Variants in CROCC observed in about 807,000 individuals in gnomAD.
CROCC encodes ciliary rootlet coiled-coil, rootletin.
In CROCC, 180 loss-of-function variants were observed where a neutral mutation model predicts 245.2. The observed-to-expected ratio is 0.73, with a 90% CI of 0.65 to 0.83. The LOEUF (loss-of-function observed/expected upper bound fraction) is 0.83. Ranked by LOEUF, CROCC falls within the 40% of genes least tolerant of loss-of-function variation. The pLI, the probability that CROCC is intolerant of heterozygous loss-of-function variation, is 0.00. For synonymous variants in CROCC, 1,205 were observed against 1,241.6 expected (o/e 0.97, Z 0.62); for missense variants, 2,688 against 2,779.4 (o/e 0.97, Z 0.74).
chr1:16,944,178 G>T lies in CROCC; in HGVS notation c.1887G>T (p.Leu629=), dbSNP rs774077507. The T allele has an allele frequency of 2.6e-6, 4 of 1,555,654 alleles. No individual in the cohort carries two copies. Among genetic ancestry groups the T allele is most frequent in the Non-Finnish European group, 3.5e-6 (4 of 1,149,510 alleles). Reference sequence around the variant, plus strand: ...AGCTGCGGCAGGAGCGGGAGAAGCTGCAGGCTGCCCAGGAGGAGCTGCGGC... The same window carrying T: ...AGCTGCGGCAGGAGCGGGAGAAGCTTCAGGCTGCCCAGGAGGAGCTGCGGC... ...AEELRQEREK[L]QAAQEELRRQ... Residue 629 remains leucine (L), a synonymous_variant, in exon 14 of 37, where the codon CTG becomes CTT. Coordinates refer to ENST00000375541, the MANE Select transcript of CROCC (RefSeq NM_014675.5).
intron 21 of CROCC, 156 bp downstream of exon 21, chr1:16,953,637 G>T: frequency 1.5e-6 from 1 of 669,386 alleles, no homozygotes; most frequent in Non-Finnish European, 2.5e-6. Flanking sequence ...AGGATTAGAA[G>T]GGGGTTCGTG....
chr1:16,927,809 G>A (rs776989255), intron 3 of CROCC, among the ~76,000 whole-genome samples: 6 of 152,284 alleles, frequency 3.9e-5, no homozygotes, highest in African/African-American at 7.2e-5. Context: ...GCCTGCAGCC[G>A]CCATCCAGGC....
rs180844689 is a variant in CROCC at position 16,941,007 on chromosome 1, T to C, written c.1808+914T>C. ...GCAACTCTGATCTCAGCCTCGAGGATAGTAGACAAGCCGCCAACATTTCTA... is the reference window on the plus strand; with the variant it reads ...GCAACTCTGATCTCAGCCTCGAGGACAGTAGACAAGCCGCCAACATTTCTA... On this transcript the variant is annotated intron_variant, in intron 13 of 36. Transcript: ENST00000375541. 37 of 295,690 alleles carry C rather than the reference T, an allele frequency of 1.3e-4. No homozygotes were observed. In the East Asian group the frequency reaches 3.6e-3, roughly 29 times the overall value. 18.3% of individuals were successfully genotyped at this position (295,690 alleles called of 1,614,324 possible). A position where few individuals can be genotyped will look rare whatever the true frequency, so the allele number is the denominator to read the frequency against.
At chr1:16,949,252 TTAGTC>T (rs2100478643) in intron 19 of CROCC, among the ~76,000 whole-genome samples, 1 of 152,374 alleles carries the variant, frequency 6.6e-6, no homozygotes, top group East Asian at 1.9e-4. Flanking sequence ...ATCAGGCCTG[TTAGTC>T]TGAGTTCTCT....
chr1:16,963,397 G>T (rs542239667), intron 27 of CROCC, among the ~76,000 whole-genome samples: 1 of 151,900 alleles, frequency 6.6e-6, no homozygotes, highest in Non-Finnish European at 1.5e-5. Flanking sequence ...GCATCAAGCA[G>T]GGGGGTGAGA....
intron 26 of CROCC, 30 bp from the exon 27 acceptor site, chr1:16,960,728 G>A: frequency 6.8e-7 from 1 of 1,475,396 alleles, no homozygotes; most frequent in Non-Finnish European, 9.0e-7. Flanking sequence ...GAGAGGTCTT[G>A]CCGACCTCCA....
Position 16,948,316 on chromosome 1 carries a change from C to G in CROCC, c.2515-15C>G, listed in dbSNP as rs1250407928. ...GGACGCTGGGAGTGCTACTCAGTCT[C>G]TGGGTGGGGGCCAGCTCTCCCGGCA... On this transcript the variant is annotated splice_polypyrimidine_tract_variant and intron_variant, in intron 17 of 36. Coordinates refer to ENST00000375541, the MANE Select transcript of CROCC (RefSeq NM_014675.5). The G allele has an allele frequency of 1.9e-5, 30 of 1,550,788 alleles. No homozygotes were observed. The Admixed American group carries it at 5.5e-4, about 29-fold the overall frequency.
intron 20 of CROCC, among the ~76,000 whole-genome samples, chr1:16,951,737 C>T (rs1557622761): frequency 6.6e-6 from 1 of 152,240 alleles, no homozygotes; most frequent in Non-Finnish European, 1.5e-5. Context: ...GGACAGGGGC[C>T]CTCAGCCACC....
At chr1:16,922,930 A>G (rs1253471329) in intron 2 of CROCC, 132 bp downstream of exon 2, 6 of 1,347,074 alleles carry the variant, frequency 4.5e-6, no homozygotes, top group Non-Finnish European at 5.0e-6. Flanking sequence ...TTATGACAGA[A>G]GAACCCATTT....
At chr1:16,924,919 C>T (rs1203398891) in intron 3 of CROCC, among the ~76,000 whole-genome samples, 1 of 152,260 alleles carries the variant, frequency 6.6e-6, no homozygotes, top group Admixed American at 6.5e-5. Flanking sequence ...TTCTGCAGCC[C>T]ATCTGGGGCA....
At chr1:16,935,170 G>T (rs534565842) in intron 8 of CROCC, among the ~76,000 whole-genome samples, 140 of 152,290 alleles carry the variant, frequency 9.2e-4, no homozygotes, top group African/African-American at 3.1e-3. Flanking sequence ...AAAGTGCTGG[G>T]ATTACAGGCA....
At chr1:16,916,050 C>A (rs1269433691) in intron 1 of CROCC, among the ~76,000 whole-genome samples, 2 of 152,258 alleles carry the variant, frequency 1.3e-5, no homozygotes, top group Non-Finnish European at 2.9e-5. Context: ...GTGGTGCATG[C>A]CTGTAATCCC....
At chr1:16,967,794 G>C (rs2076443470) in intron 30 of CROCC, among the ~76,000 whole-genome samples, 1 of 152,278 alleles carries the variant, frequency 6.6e-6, no homozygotes, top group Admixed American at 6.5e-5. Flanking sequence ...GTCCGGCTCA[G>C]CTCAGTTTGC....
rs201470726 is a variant in CROCC, at chr1:16,922,011, T to TC, written c.-1dup. 1,690 of 1,546,274 alleles carry TC rather than the reference T, an allele frequency of 1.1e-3. No individual in the cohort carries two copies. The African/African-American group carries it at 0.013, about 12-fold the overall frequency. On this transcript the variant is annotated 5_prime_UTR_variant, in exon 1 of 37. Coordinates refer to ENST00000375541, the MANE Select transcript of CROCC (RefSeq NM_014675.5). ...GGGGGCTGGAGGCATGCCCACAGCC[T>TC]CCCCCCCATGAGCTTGGGGCTGGCG...
intron 20 of CROCC, among the ~76,000 whole-genome samples, chr1:16,951,542 G>A (rs1412747163): frequency 6.6e-6 from 1 of 152,210 alleles, no homozygotes; most frequent in Non-Finnish European, 1.5e-5. Context: ...TCGCTTACTG[G>A]TGATGCTACC....
intron 27 of CROCC, among the ~76,000 whole-genome samples, chr1:16,964,900 C>G (rs1217130412): frequency 6.6e-6 from 1 of 152,158 alleles, no homozygotes; most frequent in African/African-American, 2.4e-5. Context: ...AGGCTGGTCT[C>G]GAACTCCTGA....
Position 16,968,392 on chromosome 1 carries a change from G to A in CROCC, c.5050G>A (p.Asp1684Asn), listed in dbSNP as rs1207996931. The A allele has an allele frequency of 1.3e-6, 2 of 1,502,922 alleles. No individual in the cohort carries two copies. Among genetic ancestry groups the A allele is most frequent in the Non-Finnish European group, 1.8e-6 (2 of 1,125,230 alleles). The allele number at this position is 1,502,922 out of a possible 1,614,324, so 93.1% of individuals were successfully genotyped here. Residue 1684 changes from aspartate (D) to asparagine (N), a missense_variant, in exon 31 of 37, where the codon GAT (aspartate) becomes AAT (asparagine). By Grantham distance (23) the Asp-to-Asn change is conservative. Coordinates refer to ENST00000375541, the MANE Select transcript of CROCC (RefSeq NM_014675.5). ...CGAGGCCCAAGCCCAGGCCCTCCAGGATCGGGTGGATTCCCTGCAGAGACA... is the reference window on the plus strand; with the variant it reads ...CGAGGCCCAAGCCCAGGCCCTCCAGAATCGGGTGGATTCCCTGCAGAGACA... ...DREAQAQALQ[D>N]RVDSLQRQVA...
Position 16,959,886 on chromosome 1 carries a change from G to A in CROCC, c.4033-872G>A, listed in dbSNP as rs559366741. Among the ~76,000 whole-genome samples, 58 of 151,544 alleles carry A rather than the reference G, an allele frequency of 3.8e-4. No individual in the cohort carries two copies. In the South Asian group the frequency reaches 7.9e-3, roughly 21 times the overall value. On this transcript the variant is annotated intron_variant, in intron 26 of 36. Coordinates refer to ENST00000375541, the MANE Select transcript of CROCC (RefSeq NM_014675.5). ...GTGGCCCCGTGTGGTATGCCTCCCCGCCTTTCCCCCACCCCCCAGGGCTGT... is the reference window on the plus strand; with the variant it reads ...GTGGCCCCGTGTGGTATGCCTCCCCACCTTTCCCCCACCCCCCAGGGCTGT...
chr1:16,971,573 C>T lies in CROCC; in HGVS notation c.5893C>T (p.Gln1965Ter). 6.5e-7 allele frequency: 1 copy of T among 1,534,062 alleles called. No homozygotes were observed. Among genetic ancestry groups the T allele is most frequent in the Non-Finnish European group, 8.7e-7 (1 of 1,143,966 alleles). ...GGAGGTGGAGCGGCTGCGCAGCGCCCAGGCGCAGACTGAGCGCACCCTGGA... is the reference window on the plus strand; with the variant it reads ...GGAGGTGGAGCGGCTGCGCAGCGCCTAGGCGCAGACTGAGCGCACCCTGGA... The part of the protein sequence containing the change: ...QQEVERLRSA[Q>*]AQTERTLEAR... The change falls in exon 36 of 37, where the codon CAG (glutamine) becomes TAG (stop). Residue 1965 changes from glutamine to a stop codon, truncating the protein, a stop_gained. Coordinates refer to ENST00000375541, the MANE Select transcript of CROCC (RefSeq NM_014675.5). LOFTEE classifies it high-confidence loss of function.
Sources: gnomAD v4.1 joint callset for allele counts (sites outside exome capture counted in the v4.1 genomes callset) on GRCh38, gnomAD v4.1.1 for gene constraint, MANE v1.5 for transcripts, NCBI Gene and HGNC (gene_info 2026-07-23, HGNC 2026-07-21) for gene names.